Variants in SRGAP3 observed in about 807,000 individuals in gnomAD.
SRGAP3 encodes SLIT-ROBO Rho GTPase-activating protein 3.
Under a neutral mutation model 121.1 loss-of-function variants are expected in SRGAP3, and 39 were observed. The observed-to-expected ratio is 0.32, with a 90% confidence interval of 0.25 to 0.42. The LOEUF is 0.42. Ranked by LOEUF, SRGAP3 falls within the 10% of genes least tolerant of loss-of-function variation. SRGAP3 has a pLI of 1.00. For missense variants in SRGAP3, 1,213 were observed against 1,470.6 expected (o/e 0.82, Z 2.86); for synonymous variants, 601 against 570.0 (o/e 1.05, Z -0.77).
At chr3:9,092,723 A>G (rs1318096810) in intron 3 of SRGAP3, among the ~76,000 whole-genome samples, 2 of 152,180 alleles carry the variant, frequency 1.3e-5, no homozygotes, top group Non-Finnish European at 2.9e-5. Context: ...GCATATTGAT[A>G]TTTACAAGGC....
chr3:9,076,840 C>T (rs1029637846), intron 4 of SRGAP3, among the ~76,000 whole-genome samples: 1 of 152,130 alleles, frequency 6.6e-6, no homozygotes, highest in Non-Finnish European at 1.5e-5. Flanking sequence ...AGTCCAGCCC[C>T]ACAGAGCTCA....
At chr3:9,173,065 C>A (rs936938648) in intron 1 of SRGAP3, among the ~76,000 whole-genome samples, 2 of 152,194 alleles carry the variant, frequency 1.3e-5, no homozygotes, top group African/African-American at 4.8e-5. Context: ...TGCACCAGGG[C>A]CAGCCGAGTC....
At chr3:9,095,027 G>A (rs1429147725) in intron 3 of SRGAP3, among the ~76,000 whole-genome samples, 3 of 152,098 alleles carry the variant, frequency 2.0e-5, no homozygotes, top group Non-Finnish European at 4.4e-5. Flanking sequence ...CTCCCGAAGT[G>A]CTGAGATTAC....
At chr3:9,065,286 G>T (rs531315574) in intron 4 of SRGAP3, 225 of 152,288 alleles carry the variant, frequency 1.5e-3, no homozygotes, top group African/African-American at 5.1e-3. Flanking sequence ...AATGGATATT[G>T]TTATTACAGG....
At chr3:9,245,856 G>A (rs192088716) in intron 1 of SRGAP3, among the ~76,000 whole-genome samples, 42 of 152,268 alleles carry the variant, frequency 2.8e-4, no homozygotes, top group African/African-American at 9.1e-4. Flanking sequence ...CCCAAGAGGC[G>A]GAGATTGCAG....
chr3:9,162,293 T>C (rs1950625126), intron 1 of SRGAP3, among the ~76,000 whole-genome samples: 2 of 152,142 alleles, frequency 1.3e-5, no homozygotes, highest in African/African-American at 4.8e-5. Flanking sequence ...AATGCCAAAT[T>C]TTATGTTATG....
At chr3:9,270,062 G>GA (rs1203985572) in intron 3 of SRGAP3, among the ~76,000 whole-genome samples, 1 of 152,096 alleles carries the variant, frequency 6.6e-6, no homozygotes, top group African/African-American at 2.4e-5. Context: ...GGGTGGGGCT[G>GA]AAAATTTTGC....
chr3:9,203,845 CG>C (rs1396192117), intron 1 of SRGAP3, among the ~76,000 whole-genome samples: 1 of 152,022 alleles, frequency 6.6e-6, no homozygotes, highest in Non-Finnish European at 1.5e-5. Context: ...CTTTCATACC[CG>C]GGATTTCATT....
chr3:9,357,805 A>AC (rs1344917687), intron 1 of SRGAP3, among the ~76,000 whole-genome samples: 1 of 152,102 alleles, frequency 6.6e-6, no homozygotes, highest in Non-Finnish European at 1.5e-5. Context: ...ATGATGAGTT[A>AC]CCCATATGAC....
rs1432759100 is a variant in SRGAP3 at position 8,983,135 on chromosome 3, T to C, written c.*2384A>G. On this transcript the variant is annotated 3_prime_UTR_variant, in exon 22 of 22. Coordinates refer to ENST00000383836, the MANE Select transcript of SRGAP3 (RefSeq NM_014850.4). ...GAAGTCTTGTGTCCTGGCTGGACAG[T>C]ATAGCATCCAGCATGCAAACACATG... 4.4e-6 allele frequency: 1 copy of C among 227,424 alleles called. No homozygotes were observed. The highest frequency in any genetic ancestry group is 6.3e-5 in the East Asian group (1 of 15,882). The allele number at this position is 227,424 out of a possible 1,614,324, so 14.1% of individuals were successfully genotyped here. A position where few individuals can be genotyped will look rare whatever the true frequency, so the allele number is the denominator to read the frequency against.
In SRGAP3 at chr3:9,334,277, C is replaced by T. The variant is rs148184751; in HGVS notation, n.215-3681G>A. Among the ~76,000 whole-genome samples the T allele has an allele frequency of 1.1e-4, 16 of 152,018 alleles. No individual in the cohort carries two copies. In the East Asian group the frequency reaches 2.7e-3, roughly 26 times the overall value. On this transcript the variant is annotated intron_variant and non_coding_transcript_variant, in intron 1 of 3. Transcript: ENST00000490889. ...TGTGTAATTCAATTTCAATGGTATT[C>T]AATCATCATTTATTCAGCCAGGTCC...
intron 1 of SRGAP3, among the ~76,000 whole-genome samples, chr3:9,134,982 G>A (rs1037920992): frequency 9.2e-5 from 14 of 152,188 alleles, no homozygotes; most frequent in Admixed American, 9.2e-4. Context: ...TCATATTGTT[G>A]TGAGAATGGT....
At chr3:9,205,077 C>T (rs1952217227) in intron 1 of SRGAP3, among the ~76,000 whole-genome samples, 1 of 152,112 alleles carries the variant, frequency 6.6e-6, no homozygotes. Context: ...GATCCCAGAC[C>T]CAGGAAGGGG....
chr3:8,998,154 G>T (rs1197758547), intron 18 of SRGAP3, among the ~76,000 whole-genome samples: 2 of 152,212 alleles, frequency 1.3e-5, no homozygotes, highest in Non-Finnish European at 2.9e-5. Context: ...CTCCCAAAGT[G>T]CTGGGATTAC....
At chr3:9,037,914 G>A in intron 11 of SRGAP3, 149 bp downstream of exon 11, 2 of 1,016,032 alleles carry the variant, frequency 2.0e-6, no homozygotes, top group South Asian at 2.6e-5. Flanking sequence ...CAGCAACTGT[G>A]CCTCACCTGG....
At chr3:9,147,386 A>G (rs1387009971) in intron 1 of SRGAP3, among the ~76,000 whole-genome samples, 1 of 152,072 alleles carries the variant, frequency 6.6e-6, no homozygotes, top group Non-Finnish European at 1.5e-5. Context: ...AGGCAGTTTC[A>G]CACACCTGAT....
intron 2 of SRGAP3, among the ~76,000 whole-genome samples, chr3:9,120,860 T>G (rs1370281912): frequency 1.3e-5 from 2 of 152,232 alleles, no homozygotes; most frequent in Non-Finnish European, 2.9e-5. Flanking sequence ...TTGGATCACG[T>G]GTCACAGGGA....
chr3:9,037,957 G>A lies in SRGAP3; in HGVS notation c.1436+106C>T, dbSNP rs555853572. 3 of 1,480,894 alleles carry A rather than the reference G, an allele frequency of 2.0e-6. No homozygotes were observed. In the African/African-American group the frequency reaches 4.2e-5, roughly 21 times the overall value. 91.7% of individuals were successfully genotyped at this position (1,480,894 alleles called of 1,614,324 possible). ...CACACCGGCCCTTGGGGACATTGGT[G>A]AAGAAGCCATCCCTGCTTCTCCAGC... On this transcript the variant is annotated intron_variant, in intron 11 of 21. Coordinates refer to ENST00000383836, the MANE Select transcript of SRGAP3 (RefSeq NM_014850.4).
At chr3:9,258,983 C>T (rs9815021) in intron 3 of SRGAP3, among the ~76,000 whole-genome samples, 5,499 of 152,302 alleles carry the variant, frequency 0.036, 289 homozygotes, top group African/African-American at 0.12. Flanking sequence ...ACGCTCCTCC[C>T]CATGAGCCCA....
Sources: gnomAD v4.1 joint callset for allele counts (sites outside exome capture counted in the v4.1 genomes callset) on GRCh38, gnomAD v4.1.1 for gene constraint, MANE v1.5 for transcripts, NCBI Gene and HGNC (gene_info 2026-07-23, HGNC 2026-07-21) for gene names.